The following CYFIP2 variants were observed in gnomAD, a reference collection of about 807,000 sequenced individuals.
The protein encoded by CYFIP2 is cytoplasmic FMR1-interacting protein 2.
CYFIP2 carries 29 observed loss-of-function variants against 158.7 expected under a neutral mutation model. That is an observed-to-expected ratio of 0.18 (90% confidence interval 0.14 to 0.25). The LOEUF is 0.25. Among genes scored for constraint, CYFIP2 ranks in the 10% least tolerant of loss-of-function variants. The probability of loss-of-function intolerance (pLI) is 1.00; values close to 1 mark genes in which losing one functional copy is unlikely to be tolerated. For missense variants in CYFIP2, 852 were observed against 1,639.5 expected, an observed-to-expected ratio of 0.52 and a Z score of 8.29; for synonymous variants, 585 against 617.6, an observed-to-expected ratio of 0.95 and a Z score of 0.78.
chr5:157,336,061 C>T (rs1761833491), intron 21 of CYFIP2, among the ~76,000 whole-genome samples: 1 of 152,110 alleles, frequency 6.6e-6, no homozygotes, highest in African/African-American at 2.4e-5. Flanking sequence ...AAGCGCTCTC[C>T]GATGGGTCTG....
chr5:157,305,678 T>A (rs1441056963), intron 8 of CYFIP2, among the ~76,000 whole-genome samples: 1 of 151,866 alleles, frequency 6.6e-6, no homozygotes, highest in African/African-American at 2.4e-5. Flanking sequence ...ACTCAGCTAT[T>A]TTTTTAAAAA....
chr5:157,330,688 T>G, intron 19 of CYFIP2, 54 bp from the exon 20 acceptor site: 30 of 1,375,100 alleles, frequency 2.2e-5, no homozygotes, highest in Non-Finnish European at 2.8e-5. Flanking sequence ...TCTGGGCAGT[T>G]GAGAGTCATT....
intron 3 of CYFIP2, 103 bp downstream of exon 3, chr5:157,287,211 A>C (rs1580976436): frequency 3.6e-6 from 3 of 831,578 alleles, no homozygotes; most frequent in South Asian, 1.5e-5. Flanking sequence ...TACTCTAAGA[A>C]CCCCCTGCCT....
intron 5 of CYFIP2, among the ~76,000 whole-genome samples, chr5:157,298,319 G>A (rs1276970907): frequency 6.6e-6 from 1 of 151,788 alleles, no homozygotes; most frequent in Non-Finnish European, 1.5e-5. Context: ...CATTCATCAC[G>A]ACAATCAGTT....
intron 3 of CYFIP2, among the ~76,000 whole-genome samples, chr5:157,293,492 T>C (rs1758000153): frequency 6.6e-6 from 1 of 152,208 alleles, no homozygotes; most frequent in Admixed American, 6.5e-5. Context: ...CTGCTTATTA[T>C]TAAAAATTGA....
intron 30 of CYFIP2, among the ~76,000 whole-genome samples, chr5:157,391,849 A>T (rs1215698359): frequency 6.6e-6 from 1 of 152,202 alleles, no homozygotes; most frequent in Non-Finnish European, 1.5e-5. Flanking sequence ...AGAAACTGCC[A>T]TTCTGTTTTC....
At chr5:157,335,704 C>T (rs1761803238) in intron 21 of CYFIP2, among the ~76,000 whole-genome samples, 1 of 152,174 alleles carries the variant, frequency 6.6e-6, no homozygotes, top group Admixed American at 6.5e-5. Context: ...GACTGTAGTA[C>T]AGCACACATT....
intron 22 of CYFIP2, 82 bp from the exon 23 acceptor site, chr5:157,340,988 G>A: frequency 7.4e-7 from 1 of 1,346,196 alleles, no homozygotes; most frequent in African/African-American, 1.4e-5. Flanking sequence ...CACCTGGCCA[G>A]GAAGCACTCC....
Sources: gnomAD v4.1 joint callset for allele counts (sites outside exome capture counted in the v4.1 genomes callset) on GRCh38, gnomAD v4.1.1 for gene constraint, MANE v1.5 for transcripts, NCBI Gene and HGNC (gene_info 2026-07-23, HGNC 2026-07-21) for gene names.